Variants in LRMDA observed in about 807,000 individuals in gnomAD.
LRMDA encodes leucine rich melanocyte differentiation associated.
Under a neutral mutation model 29.8 loss-of-function variants are expected in LRMDA, and 18 were observed. That is an observed-to-expected ratio of 0.60 (90% CI 0.42 to 0.90). The LOEUF (loss-of-function observed/expected upper bound fraction) is 0.90. LRMDA is among the 40% of genes least tolerant of loss of function. LRMDA has a pLI of 0.00. For missense variants in LRMDA, 273 were observed against 273.9 expected (o/e 1.00, Z 0.02); for synonymous variants, 125 against 109.4 (o/e 1.14, Z -0.89).
intron 2 of LRMDA, among the ~76,000 whole-genome samples, chr10:75,487,772 G>A (rs1028398693): frequency 6.6e-6 from 1 of 152,190 alleles, no homozygotes; most frequent in African/African-American, 2.4e-5. Context: ...TGAGTGGTCT[G>A]GGCTTTGCAG....
intron 6 of LRMDA, among the ~76,000 whole-genome samples, chr10:76,365,083 CACATATAT>C (rs1564521434): frequency 3.9e-5 from 2 of 50,948 alleles, no homozygotes; most frequent in Admixed American, 2.0e-4. Context: ...CACACACACA[CACATATAT>C]ATATATATAT....
At chr10:75,840,618 A>T (rs1420970051) in intron 2 of LRMDA, among the ~76,000 whole-genome samples, 1 of 152,114 alleles carries the variant, frequency 6.6e-6, no homozygotes, top group African/African-American at 2.4e-5. Context: ...GTATCTGTTC[A>T]TTTTCAGACC....
chr10:75,609,346 A>G (rs983942293), intron 2 of LRMDA, among the ~76,000 whole-genome samples: 12 of 152,296 alleles, frequency 7.9e-5, no homozygotes, highest in African/African-American at 2.9e-4. Flanking sequence ...GGTTCTTGTC[A>G]ATGGCAATTA....
chr10:76,490,878 T>C (rs1416942850), intron 6 of LRMDA, among the ~76,000 whole-genome samples: 2 of 151,948 alleles, frequency 1.3e-5, no homozygotes, highest in African/African-American at 4.8e-5. Flanking sequence ...TGTCTTTTAG[T>C]GAAGGTGATT....
intron 2 of LRMDA, among the ~76,000 whole-genome samples, chr10:75,692,772 A>G (rs950285939): frequency 6.6e-6 from 1 of 152,058 alleles, no homozygotes; most frequent in African/African-American, 2.4e-5. Flanking sequence ...TAGCTGTAGT[A>G]GAGAGGCCTG....
intron 6 of LRMDA, among the ~76,000 whole-genome samples, chr10:76,460,046 A>G (rs562333738): frequency 1.4e-4 from 21 of 152,310 alleles, no homozygotes; most frequent in African/African-American, 5.1e-4. Flanking sequence ...TATTTTCAAG[A>G]TAGACCGTCA....
At chr10:76,161,300 A>G (rs952333335) in intron 5 of LRMDA, among the ~76,000 whole-genome samples, 1 of 152,200 alleles carries the variant, frequency 6.6e-6, no homozygotes, top group African/African-American at 2.4e-5. Flanking sequence ...ATGAATTTCA[A>G]CGTTGGCAGA....
intron 2 of LRMDA, among the ~76,000 whole-genome samples, chr10:75,725,676 T>C (rs750046873): frequency 5.9e-5 from 9 of 152,182 alleles, no homozygotes; most frequent in Non-Finnish European, 1.2e-4. Context: ...GATTCAGCCC[T>C]CCCTATTAGA....
chr10:75,871,620 C>T lies in LRMDA; in HGVS notation c.132-164388C>T, dbSNP rs183336119. Among the ~76,000 whole-genome samples the T allele has an allele frequency of 2.0e-3, 308 of 152,226 alleles. 1 individual carries two copies. Among genetic ancestry groups the T allele is most frequent in the Non-Finnish European group, 3.5e-3 (235 of 68,006 alleles). On this transcript the variant is annotated intron_variant, in intron 2 of 6. Transcript: ENST00000611255. The stretch of plus-strand genomic sequence containing the variant: ...GGTCATCTCCCAAATAAGCTTCCTG[C>T]CCCCGTGTCCTCTCAGGCTCCACTT...
chr10:75,516,508 A>G (rs1383275630), intron 2 of LRMDA, among the ~76,000 whole-genome samples: 2 of 152,134 alleles, frequency 1.3e-5, no homozygotes, highest in Non-Finnish European at 2.9e-5. Context: ...TCTTCTTTTG[A>G]GAAGTGTCTG....
chr10:75,449,145 C>T (rs994541875), intron 2 of LRMDA, among the ~76,000 whole-genome samples: 5 of 144,348 alleles, frequency 3.5e-5, no homozygotes, highest in African/African-American at 7.8e-5. Flanking sequence ...GAGTGAGACT[C>T]CATCTCAAAA....
At chr10:75,491,259 A>G (rs193298452) in intron 2 of LRMDA, among the ~76,000 whole-genome samples, 16 of 152,290 alleles carry the variant, frequency 1.1e-4, no homozygotes, top group Admixed American at 3.9e-4. Flanking sequence ...TGTGCTTTAT[A>G]TTATAAGGAA....
chr10:76,532,304 C>A (rs1459374579), intron 6 of LRMDA, among the ~76,000 whole-genome samples: 1 of 152,166 alleles, frequency 6.6e-6, no homozygotes, highest in African/African-American at 2.4e-5. Context: ...TTGTGGCCAT[C>A]ACATAACCAA....
intron 2 of LRMDA, among the ~76,000 whole-genome samples, chr10:75,958,126 T>C (rs530684398): frequency 6.6e-6 from 1 of 152,256 alleles, no homozygotes; most frequent in East Asian, 1.9e-4. Flanking sequence ...AGGGTTACAC[T>C]GCTACTTATG....
intron 2 of LRMDA, among the ~76,000 whole-genome samples, chr10:75,911,702 G>C (rs1460565581): frequency 6.6e-6 from 1 of 152,152 alleles, no homozygotes; most frequent in South Asian, 2.1e-4. Context: ...TGTATGATTT[G>C]AGTCCTTATG....
intron 2 of LRMDA, among the ~76,000 whole-genome samples, chr10:75,487,562 G>A (rs1260182006): frequency 6.6e-6 from 1 of 152,194 alleles, no homozygotes; most frequent in Non-Finnish European, 1.5e-5. Flanking sequence ...AGGTTTTTAA[G>A]TACAATCTTG....
intron 6 of LRMDA, among the ~76,000 whole-genome samples, chr10:76,499,312 G>A (rs1277794951): frequency 2.7e-5 from 2 of 73,644 alleles, no homozygotes; most frequent in African/African-American, 6.6e-5. Context: ...ATGTATTTGC[G>A]CATTCTGGAC....
intron 2 of LRMDA, among the ~76,000 whole-genome samples, chr10:75,528,846 C>T (rs550740838): frequency 6.6e-5 from 10 of 152,134 alleles, no homozygotes; most frequent in East Asian, 3.9e-4. Context: ...AGAGATAAAA[C>T]GAGATAGCAT....
At chr10:75,836,214 G>A (rs1365352953) in intron 2 of LRMDA, among the ~76,000 whole-genome samples, 1 of 152,228 alleles carries the variant, frequency 6.6e-6, no homozygotes, top group Non-Finnish European at 1.5e-5. Context: ...TGGAGAAAAT[G>A]TGCATTGGCT....
Sources: allele counts gnomAD v4.1 joint callset (sites outside exome capture counted in the v4.1 genomes callset), GRCh38; gene constraint gnomAD v4.1.1; transcripts MANE v1.5; gene names NCBI Gene and HGNC (gene_info 2026-07-23, HGNC 2026-07-21).